The following GBE1 variants were observed in gnomAD, a reference collection of about 807,000 sequenced individuals.
GBE1 encodes the protein 1,4-alpha-glucan-branching enzyme.
GBE1 carries 70 observed loss-of-function variants against 88.8 expected under a neutral mutation model. That is an observed-to-expected ratio of 0.79 (90% confidence interval 0.65 to 0.96). GBE1 has a LOEUF of 0.96. Ranked by LOEUF, GBE1 falls within the 40% of genes least tolerant of loss-of-function variation. The pLI, the probability that GBE1 is intolerant of heterozygous loss-of-function variation, is 0.00. For missense variants in GBE1, 872 were observed against 871.0 expected (o/e 1.00, Z -0.01); for synonymous variants, 284 against 300.1 (o/e 0.95, Z 0.56).
intron 7 of GBE1, among the ~76,000 whole-genome samples, chr3:81,618,048 A>G (rs987092460): frequency 7.9e-5 from 12 of 152,178 alleles, no homozygotes; most frequent in Admixed American, 6.5e-4. Flanking sequence ...GCACAGTGAC[A>G]TAAGTTAAAA....
At chr3:81,636,161 T>C (rs59079327) in intron 7 of GBE1, among the ~76,000 whole-genome samples, 215 of 152,256 alleles carry the variant, frequency 1.4e-3, no homozygotes, top group African/African-American at 4.9e-3. Context: ...ACAGATTGGA[T>C]TGATATAGCA....
intron 2 of GBE1, among the ~76,000 whole-genome samples, chr3:81,704,870 T>C (rs542514033): frequency 1.3e-5 from 2 of 152,208 alleles, no homozygotes; most frequent in East Asian, 3.9e-4. Context: ...TTGCTTTCCA[T>C]AGCGTTAACT....
At chr3:81,500,048 C>T (rs115942718) in intron 14 of GBE1, among the ~76,000 whole-genome samples, 314 of 152,224 alleles carry the variant, frequency 2.1e-3, no homozygotes, top group African/African-American at 7.3e-3. Context: ...ATTATCATTA[C>T]TGCAAACATT....
intron 12 of GBE1, among the ~76,000 whole-genome samples, chr3:81,570,315 T>C (rs1213910104): frequency 6.6e-6 from 1 of 152,206 alleles, no homozygotes. Flanking sequence ...GTTCAAAGTA[T>C]CCTGATTGCC....
intron 10 of GBE1, among the ~76,000 whole-genome samples, chr3:81,581,616 T>C (rs141748457): frequency 6.6e-4 from 100 of 152,214 alleles, no homozygotes; most frequent in Middle Eastern, 6.8e-3. Context: ...TTGCACGGCA[T>C]GTCTTCCTAT....
intron 12 of GBE1, among the ~76,000 whole-genome samples, chr3:81,571,079 G>A (rs933809253): frequency 6.6e-6 from 1 of 152,084 alleles, no homozygotes; most frequent in Admixed American, 6.6e-5. Context: ...AAAATAAAAT[G>A]GAGGGAAAAA....
At chr3:81,653,104 G>A (rs1330519246) in intron 3 of GBE1, among the ~76,000 whole-genome samples, 1 of 152,158 alleles carries the variant, frequency 6.6e-6, no homozygotes, top group African/African-American at 2.4e-5. Flanking sequence ...TACACTGCTA[G>A]TGTGAGTATA....
chr3:81,665,411 C>T (rs1428498473), intron 3 of GBE1, among the ~76,000 whole-genome samples: 2 of 151,932 alleles, frequency 1.3e-5, no homozygotes, highest in East Asian at 1.9e-4. Flanking sequence ...TGGCGGGCGC[C>T]TGTAGTCCCA....
At chr3:81,516,538 C>T (rs1702800953) in intron 14 of GBE1, among the ~76,000 whole-genome samples, 1 of 151,436 alleles carries the variant, frequency 6.6e-6, no homozygotes, top group Non-Finnish European at 1.5e-5. Context: ...CACTCTGCAC[C>T]CTATGGATCA....
Position 81,628,557 on chromosome 3 carries a change from C to G in GBE1, c.992+14224G>C, listed in dbSNP as rs148047101. Among the ~76,000 whole-genome samples the G allele has an allele frequency of 1.3e-3, 205 of 151,922 alleles. 1 individual carries two copies. The highest frequency in any genetic ancestry group is 6.8e-3 in the Middle Eastern group (2 of 294). On this transcript the variant is annotated intron_variant, in intron 7 of 15. Transcript: ENST00000429644. The stretch of plus-strand genomic sequence containing the variant: ...GAGCCAGTGATGAGTTTCTTCATTA[C>G]TGCTAACATTGTTTTCTCTATGTAA...
intron 14 of GBE1, among the ~76,000 whole-genome samples, chr3:81,531,023 C>T (rs1559635806): frequency 6.6e-6 from 1 of 150,680 alleles, no homozygotes; most frequent in Non-Finnish European, 1.5e-5. Context: ...GCTGAGGTGG[C>T]ACCCACATTG....
chr3:81,715,689 A>G (rs576279372), intron 1 of GBE1, among the ~76,000 whole-genome samples: 1 of 152,336 alleles, frequency 6.6e-6, no homozygotes, highest in African/African-American at 2.4e-5. Context: ...TCCCATTAGC[A>G]ACTGACCTTC....
chr3:81,748,992 C>G (rs1301527941), intron 1 of GBE1, among the ~76,000 whole-genome samples: 1 of 104,618 alleles, frequency 9.6e-6, no homozygotes, highest in Non-Finnish European at 1.8e-5. Context: ...GGTGACAGAG[C>G]AAGACTCTGT....
intron 2 of GBE1, among the ~76,000 whole-genome samples, chr3:81,690,867 T>C (rs1705509888): frequency 6.6e-6 from 1 of 152,202 alleles, no homozygotes; most frequent in Non-Finnish European, 1.5e-5. Flanking sequence ...TGTCCTACGC[T>C]AGACATTACT....
intron 14 of GBE1, among the ~76,000 whole-genome samples, chr3:81,510,718 C>G (rs759965241): frequency 2.6e-5 from 4 of 151,912 alleles, no homozygotes; most frequent in Non-Finnish European, 5.9e-5. Context: ...ACCTGTTCCC[C>G]AAAAACCTAT....
At chr3:81,722,350 G>A (rs999830006) in intron 1 of GBE1, among the ~76,000 whole-genome samples, 1 of 152,008 alleles carries the variant, frequency 6.6e-6, no homozygotes, top group South Asian at 2.1e-4. Flanking sequence ...CTAATATATA[G>A]AAAAGTTATC....
intron 15 of GBE1, among the ~76,000 whole-genome samples, chr3:81,491,363 G>A (rs900012511): frequency 1.1e-4 from 17 of 152,204 alleles, no homozygotes; most frequent in African/African-American, 3.6e-4. Flanking sequence ...GCTTTACAAA[G>A]GCAAAAGTCA....
rs144172700 is a variant in GBE1 at position 81,606,822 on chromosome 3, G to A, written c.993-12799C>T. Among the ~76,000 whole-genome samples, 292 of 152,216 alleles carry A rather than the reference G, an allele frequency of 1.9e-3. 1 individual carries two copies. The highest frequency in any genetic ancestry group is 6.7e-3 in the African/African-American group (278 of 41,542). Reference sequence around the variant, plus strand: ...ATTTATGTGACACTATGATCATTTCGTGGTTTATTATTATTTACTTTAAGT... The same window carrying A: ...ATTTATGTGACACTATGATCATTTCATGGTTTATTATTATTTACTTTAAGT... On this transcript the variant is annotated intron_variant, in intron 7 of 15. Coordinates refer to ENST00000429644, the MANE Select transcript of GBE1 (RefSeq NM_000158.4).
At chr3:81,546,806 C>T (rs1431563025) in intron 12 of GBE1, among the ~76,000 whole-genome samples, 3 of 151,314 alleles carry the variant, frequency 2.0e-5, no homozygotes, top group Admixed American at 1.3e-4. Flanking sequence ...AGTAGCTATT[C>T]GTTCATTCCT....
Sources: gnomAD v4.1 joint callset for allele counts (sites outside exome capture counted in the v4.1 genomes callset) on GRCh38, gnomAD v4.1.1 for gene constraint, MANE v1.5 for transcripts, NCBI Gene and HGNC (gene_info 2026-07-23, HGNC 2026-07-21) for gene names.